The following AKT3 variants were observed in gnomAD, a reference collection of about 807,000 sequenced individuals.
The protein encoded by AKT3 is AKT serine/threonine kinase 3.
A neutral mutation model predicts 65.3 loss-of-function variants in AKT3; 15 were observed. That is an observed-to-expected ratio of 0.23 (90% CI 0.15 to 0.35). The LOEUF is 0.35. Ranked by LOEUF, AKT3 falls within the 10% of genes least tolerant of loss-of-function variation. AKT3 has a pLI of 1.00. For missense variants in AKT3, 243 were observed against 576.5 expected (o/e 0.42, Z 5.92); for synonymous variants, 206 against 183.8 (o/e 1.12, Z -0.98).
At chr1:243,562,082 C>T (rs1673827628) in intron 10 of AKT3, among the ~76,000 whole-genome samples, 1 of 152,102 alleles carries the variant, frequency 6.6e-6, no homozygotes, top group Non-Finnish European at 1.5e-5. Flanking sequence ...ACCCAATGTA[C>T]ATCAGCTGCT....
At chr1:243,813,101 AC>A (rs1693280634) in intron 2 of AKT3, among the ~76,000 whole-genome samples, 1 of 151,922 alleles carries the variant, frequency 6.6e-6, no homozygotes, top group African/African-American at 2.4e-5. Context: ...TGGGTGCAGC[AC>A]ACCAACATGG....
chr1:243,730,210 C>A (rs1322490151), intron 2 of AKT3, among the ~76,000 whole-genome samples: 1 of 152,234 alleles, frequency 6.6e-6, no homozygotes, highest in Admixed American at 6.5e-5. Flanking sequence ...GCACACACTT[C>A]CTCCATTTTG....
chr1:243,624,787 TTGTCTC>T lies in AKT3; in HGVS notation c.562-9632_562-9627del, dbSNP rs1159976059. On this transcript the variant is annotated intron_variant, in intron 6 of 13. Transcript: ENST00000673466. ...ATCCCATTTCTGTATGTGAATGAGT[TTGTCTC>T]TGTCCAGACTAACAACAAACTTGCA... The T allele has an allele frequency of 3.4e-5, 7 of 205,798 alleles. No individual in the cohort carries two copies. In the East Asian group the frequency reaches 8.3e-4, roughly 24 times the overall value. 12.7% of individuals were successfully genotyped at this position (205,798 alleles called of 1,614,324 possible). A position where few individuals can be genotyped will look rare whatever the true frequency, so the allele number is the denominator to read the frequency against.
rs1445500451 is a variant in AKT3 at position 243,513,060 on chromosome 1, T to G, written c.1252-634A>C. ...ACCACAGCCCAGAAGAGATTAAGAGTAGCTCCCCTGAGATTGACAGGGCAG... is the reference window on the plus strand; with the variant it reads ...ACCACAGCCCAGAAGAGATTAAGAGGAGCTCCCCTGAGATTGACAGGGCAG... On this transcript the variant is annotated intron_variant, in intron 12 of 13. Transcript: ENST00000673466. Among the ~76,000 whole-genome samples, 5 of 152,124 alleles carry G rather than the reference T, an allele frequency of 3.3e-5. 1 individual carries two copies. The highest frequency in any genetic ancestry group is 9.6e-5 in the African/African-American group (4 of 41,500).
intron 3 of AKT3, among the ~76,000 whole-genome samples, chr1:243,691,671 G>C (rs1331557514): frequency 6.6e-6 from 1 of 152,206 alleles, no homozygotes; most frequent in Non-Finnish European, 1.5e-5. Flanking sequence ...ACAGAACTCA[G>C]ATACTGAGTA....
chr1:243,515,347 G>C (rs1347486001), intron 12 of AKT3, among the ~76,000 whole-genome samples: 1 of 150,348 alleles, frequency 6.7e-6, no homozygotes, highest in Non-Finnish European at 1.5e-5. Context: ...GTATACATTT[G>C]ACTTTTCCAG....
chr1:243,663,565 T>C (rs997679597), intron 4 of AKT3, among the ~76,000 whole-genome samples: 1 of 152,060 alleles, frequency 6.6e-6, no homozygotes, highest in South Asian at 2.1e-4. Context: ...CATAGTAAGA[T>C]TGGAAGTGCA....
intron 2 of AKT3, among the ~76,000 whole-genome samples, chr1:243,813,630 T>A (rs1693328331): frequency 6.6e-6 from 1 of 152,186 alleles, no homozygotes; most frequent in Non-Finnish European, 1.5e-5. Flanking sequence ...CCCTGGATTT[T>A]AAAAAATTTA....
chr1:243,585,529 T>TA (rs1289393676), intron 8 of AKT3, among the ~76,000 whole-genome samples: 4 of 151,750 alleles, frequency 2.6e-5, no homozygotes, highest in African/African-American at 7.3e-5. Context: ...CATGGTACTG[T>TA]AAAAAAACAG....
At chr1:243,843,364 A>G in intron 1 of AKT3, 82 bp from the exon 2 acceptor site, 1 of 1,282,146 alleles carries the variant, frequency 7.8e-7, no homozygotes, top group South Asian at 2.7e-5. Flanking sequence ...TTCTTTGTAA[A>G]TGTCTTCAAC....
intron 8 of AKT3, among the ~76,000 whole-genome samples, chr1:243,578,641 C>T (rs891148949): frequency 1.2e-4 from 19 of 152,046 alleles, no homozygotes; most frequent in African/African-American, 4.6e-4. Context: ...CACACATTTA[C>T]CTATGTAACA....
rs60497718 is a variant in AKT3 at position 243,828,065 on chromosome 1, AAACAAC to A, written c.46+15054_46+15059del. Among the ~76,000 whole-genome samples the A allele has an allele frequency of 1.2e-3, 182 of 150,720 alleles. 1 individual carries two copies. The highest frequency in any genetic ancestry group is 3.9e-3 in the African/African-American group (160 of 41,116). ...TAAAAGCATCTGAAGAATGTTTTAA[AAACAAC>A]AACAACAACAACAACAACAAAACTT... is the stretch of plus-strand genomic sequence containing the variant. On this transcript the variant is annotated intron_variant, in intron 2 of 13. Coordinates refer to ENST00000673466, the MANE Select transcript of AKT3 (RefSeq NM_005465.7).
chr1:243,805,453 T>C (rs1351940664), intron 2 of AKT3, among the ~76,000 whole-genome samples: 3 of 152,236 alleles, frequency 2.0e-5, no homozygotes, highest in Non-Finnish European at 4.4e-5. Context: ...TTAACCAAGC[T>C]GCTCACTTTA....
chr1:243,607,432 C>T lies in AKT3; in HGVS notation c.696+6239G>A, dbSNP rs565222072. Among the ~76,000 whole-genome samples, 28 of 152,278 alleles carry T rather than the reference C, an allele frequency of 1.8e-4. No homozygotes were observed. The East Asian group carries it at 2.9e-3, about 16-fold the overall frequency. On this transcript the variant is annotated intron_variant, in intron 8 of 13. Transcript: ENST00000673466. ...TTGGAACTTTAAGGTTTAATGACTGCACTATTGGACTTTAGACTTGCATGG... is the reference window on the plus strand; with the variant it reads ...TTGGAACTTTAAGGTTTAATGACTGTACTATTGGACTTTAGACTTGCATGG...
At chr1:243,836,754 T>C (rs939788205) in intron 2 of AKT3, among the ~76,000 whole-genome samples, 2 of 151,356 alleles carry the variant, frequency 1.3e-5, no homozygotes, top group African/African-American at 2.4e-5. Flanking sequence ...CTACTAAAAG[T>C]AGAAAATTAG....
At chr1:243,713,118 T>C (rs1289531870) in intron 2 of AKT3, among the ~76,000 whole-genome samples, 2 of 152,200 alleles carry the variant, frequency 1.3e-5, no homozygotes, top group Non-Finnish European at 2.9e-5. Context: ...CAGTTTAAAA[T>C]AGTTTATGTG....
intron 2 of AKT3, among the ~76,000 whole-genome samples, chr1:243,824,291 C>T (rs1231146289): frequency 2.0e-5 from 3 of 151,968 alleles, no homozygotes; most frequent in African/African-American, 7.3e-5. Flanking sequence ...ACATAAAACC[C>T]AAAACTATAA....
intron 8 of AKT3, among the ~76,000 whole-genome samples, chr1:243,579,262 G>A (rs1377302399): frequency 6.6e-6 from 1 of 152,134 alleles, no homozygotes; most frequent in Non-Finnish European, 1.5e-5. Flanking sequence ...CATGAAGGTA[G>A]ATATGGGAAT....
At chr1:243,624,345 A>G (rs1054201687) in intron 6 of AKT3, among the ~76,000 whole-genome samples, 1 of 152,204 alleles carries the variant, frequency 6.6e-6, no homozygotes, top group African/African-American at 2.4e-5. Context: ...GAAACAAGCT[A>G]AATACACAAT....
Sources: allele counts gnomAD v4.1 joint callset (sites outside exome capture counted in the v4.1 genomes callset), GRCh38; gene constraint gnomAD v4.1.1; transcripts MANE v1.5; gene names NCBI Gene and HGNC (gene_info 2026-07-23, HGNC 2026-07-21).